RNF128: variants seen among roughly 807,000 people sequenced by gnomAD.
RNF128 encodes E3 ubiquitin-protein ligase RNF128.
Under a neutral mutation model 26.2 loss-of-function variants are expected in RNF128, and 13 were observed. The observed-to-expected ratio is 0.50, with a 90% CI of 0.32 to 0.79. The LOEUF is 0.79. Ranked by LOEUF, RNF128 falls within the 30% of genes least tolerant of loss-of-function variation. The probability of loss-of-function intolerance (pLI) is 0.03; values close to 1 mark genes in which losing one functional copy is unlikely to be tolerated. For missense variants in RNF128, 315 were observed against 349.7 expected (o/e 0.90, Z 0.79); for synonymous variants, 149 against 142.5 (o/e 1.05, Z -0.32).
intron 1 of RNF128, among the ~76,000 whole-genome samples, chrX:106,728,034 T>G (rs186476217): frequency 2.5e-3 from 276 of 111,630 alleles, no homozygotes; most frequent in African/African-American, 8.8e-3. Flanking sequence ...GTGACTAACG[T>G]TCTTGAAAAA....
At chrX:106,760,893 G>GCAAAAA (rs762587844) in intron 1 of RNF128, among the ~76,000 whole-genome samples, 101 of 111,642 alleles carry the variant, frequency 9.0e-4, no homozygotes, top group Non-Finnish European at 1.7e-3. Flanking sequence ...TGCAACAAAA[G>GCAAAAA]CAAAAACAAA....
At chrX:106,781,009 ACTTAATGG>A (rs1485808327) in intron 2 of RNF128, among the ~76,000 whole-genome samples, 3 of 112,474 alleles carry the variant, frequency 2.7e-5, no homozygotes, top group Non-Finnish European at 5.6e-5. Flanking sequence ...CTTTCCCCAA[ACTTAATGG>A]AGTAGAGACT....
At chrX:106,713,899 G>A (rs1295631998) in intron 1 of RNF128, among the ~76,000 whole-genome samples, 1 of 111,646 alleles carries the variant, frequency 9.0e-6, no homozygotes, top group Non-Finnish European at 1.9e-5. Flanking sequence ...AGCAAGGCCG[G>A]GCGCGGTGGC....
At chrX:106,729,211 A>G (rs1050878609) in intron 1 of RNF128, among the ~76,000 whole-genome samples, 4 of 111,422 alleles carry the variant, frequency 3.6e-5, no homozygotes, top group African/African-American at 9.8e-5. Context: ...CTCTACATAC[A>G]TATTACTTAT....
chrX:106,743,645 T>A (rs781453184), intron 1 of RNF128, among the ~76,000 whole-genome samples: 3 of 112,428 alleles, frequency 2.7e-5, no homozygotes, highest in Non-Finnish European at 5.6e-5. Context: ...AAGGATAATA[T>A]CTACAGTTAT....
intron 4 of RNF128, among the ~76,000 whole-genome samples, chrX:106,788,394 T>C (rs1930712572): frequency 2.3e-5 from 1 of 43,568 alleles, no homozygotes; most frequent in African/African-American, 1.3e-4. Flanking sequence ...ATATAATATA[T>C]ATTATATATA....
chrX:106,754,033 G>T (rs935962612), intron 1 of RNF128, among the ~76,000 whole-genome samples: 19 of 111,166 alleles, frequency 1.7e-4, no homozygotes, highest in African/African-American at 6.2e-4. Flanking sequence ...TTCAGCATTG[G>T]ACAGATCATC....
chrX:106,741,143 C>T (rs1228064291), intron 1 of RNF128, among the ~76,000 whole-genome samples: 2 of 111,966 alleles, frequency 1.8e-5, no homozygotes, highest in East Asian at 5.6e-4. Context: ...ACAGAATACC[C>T]TATTTATCAA....
At chrX:106,722,552 T>G (rs768018295), upstream of RNF128, among the ~76,000 whole-genome samples, 84 of 111,797 alleles carry the variant, frequency 7.5e-4, no homozygotes, top group African/African-American at 2.7e-3. Context: ...ACCAGTGGGT[T>G]ACCCAGGCAA....
In RNF128 at chrX:106,795,726, T is replaced by C; in HGVS notation, c.*13T>C. 1 of 1,178,865 alleles carries C rather than the reference T, an allele frequency of 8.5e-7. No homozygotes were observed. Among genetic ancestry groups the C allele is most frequent in the Non-Finnish European group, 1.1e-6 (1 of 877,481 alleles). On this transcript the variant is annotated 3_prime_UTR_variant, in exon 7 of 7. Transcript: ENST00000255499. Reference sequence around the variant, plus strand: ...AATTAAATCTTAAAATCTGTGTAAATAGAAAACTTGAACCATTAGTAATAA... The same window carrying C: ...AATTAAATCTTAAAATCTGTGTAAACAGAAAACTTGAACCATTAGTAATAA...
chrX:106,710,303 C>T (rs1267676669), intron 1 of RNF128, among the ~76,000 whole-genome samples: 6 of 112,225 alleles, frequency 5.3e-5, no homozygotes, highest in Non-Finnish European at 1.9e-5. Flanking sequence ...CCAAGCACTA[C>T]TTTTGCACCT....
At chrX:106,710,735 C>T (rs772652035) in intron 1 of RNF128, among the ~76,000 whole-genome samples, 1 of 63,006 alleles carries the variant, frequency 1.6e-5, no homozygotes, top group African/African-American at 6.5e-5. Context: ...CCAGCCTGGA[C>T]GAAAGTCTGT....
At position 106,791,056 on chromosome X, in the gene RNF128, T is replaced by C. The variant is rs1260582307; in HGVS notation, c.985-10T>C. ...TGAGAGGCTTTTAATTTGTTACATG[T>C]TCTTTAAAGGTGGATGTTGAAGATG... On this transcript the variant is annotated splice_polypyrimidine_tract_variant and intron_variant, in intron 5 of 6. Coordinates refer to ENST00000255499, the MANE Select transcript of RNF128 (RefSeq NM_194463.2). The C allele has an allele frequency of 8.3e-7, 1 of 1,198,439 alleles. No individual in the cohort carries two copies. The highest frequency in any genetic ancestry group is 1.1e-6 in the Non-Finnish European group (1 of 887,697).
At chrX:106,699,543 T>C (rs1415344691) in intron 1 of RNF128, among the ~76,000 whole-genome samples, 1 of 111,946 alleles carries the variant, frequency 8.9e-6, no homozygotes, top group East Asian at 2.8e-4. Context: ...CTGGGCTCCC[T>C]GCTTCTACTC....
intron 1 of RNF128, among the ~76,000 whole-genome samples, chrX:106,744,091 T>C (rs1204320344): frequency 1.4e-5 from 1 of 72,126 alleles, no homozygotes; most frequent in Admixed American, 1.8e-4. Flanking sequence ...CATCACACAC[T>C]GGGGCCTGTT....
chrX:106,781,464 G>A (rs887643495), intron 2 of RNF128, among the ~76,000 whole-genome samples: 4 of 111,146 alleles, frequency 3.6e-5, no homozygotes, highest in African/African-American at 1.3e-4. Flanking sequence ...AATCTACTGG[G>A]CCCTAATGGT....
intron 6 of RNF128, among the ~76,000 whole-genome samples, chrX:106,791,508 A>C (rs1012599058): frequency 1.8e-5 from 2 of 111,717 alleles, no homozygotes; most frequent in Admixed American, 1.9e-4. Context: ...ATCTTGGCTT[A>C]TTAACTAATT....
intron 1 of RNF128, among the ~76,000 whole-genome samples, chrX:106,720,410 C>T (rs1264837067): frequency 1.8e-5 from 2 of 111,323 alleles, no homozygotes; most frequent in Admixed American, 9.6e-5. Flanking sequence ...GACAGGATCT[C>T]GCTATGTTGC....
At chrX:106,728,290 G>A (rs751497480) in intron 1 of RNF128, among the ~76,000 whole-genome samples, 2 of 111,841 alleles carry the variant, frequency 1.8e-5, no homozygotes, top group Non-Finnish European at 3.8e-5. Flanking sequence ...GTGTATCATA[G>A]TTTTTAAGAG....
Sources: gnomAD v4.1 joint callset for allele counts (sites outside exome capture counted in the v4.1 genomes callset) on GRCh38, gnomAD v4.1.1 for gene constraint, MANE v1.5 for transcripts, NCBI Gene and HGNC (gene_info 2026-07-23, HGNC 2026-07-21) for gene names.